B3GALT1: variants seen among roughly 807,000 people sequenced by gnomAD.
B3GALT1 encodes the protein UDP-Gal:betaGlcNAc beta 1,3-galactosyltransferase, polypeptide 1.
A neutral mutation model predicts 23.2 loss-of-function variants in B3GALT1; 10 were observed. The ratio of observed to expected loss-of-function variants is 0.43; its 90% CI spans 0.27 to 0.73. The LOEUF (loss-of-function observed/expected upper bound fraction) is 0.73, where lower values mean the gene tolerates loss of function less well. Ranked by LOEUF, B3GALT1 falls within the 30% of genes least tolerant of loss-of-function variation. B3GALT1 has a pLI of 0.21. For synonymous variants in B3GALT1, 156 were observed against 141.5 expected, an observed-to-expected ratio of 1.10 and a Z score of -0.73; for missense variants, 299 against 405.4, an observed-to-expected ratio of 0.74 and a Z score of 2.25.
intron 2 of B3GALT1, among the ~76,000 whole-genome samples, chr2:167,557,804 A>G (rs1168319808): frequency 6.6e-6 from 1 of 152,232 alleles, no homozygotes; most frequent in East Asian, 1.9e-4. Context: ...CTGGAGACCA[A>G]GAAGGGTACT....
At chr2:167,546,278 T>C (rs1683634005) in intron 2 of B3GALT1, among the ~76,000 whole-genome samples, 1 of 152,204 alleles carries the variant, frequency 6.6e-6, no homozygotes, top group African/African-American at 2.4e-5. Context: ...ACTCAGAGAA[T>C]ATTGTCAACT....
At chr2:167,498,973 C>T (rs1415363282) in intron 2 of B3GALT1, among the ~76,000 whole-genome samples, 2 of 152,076 alleles carry the variant, frequency 1.3e-5, no homozygotes, top group Non-Finnish European at 2.9e-5. Flanking sequence ...ATTACAAAAA[C>T]AGCCTGCTTG....
intron 3 of B3GALT1, among the ~76,000 whole-genome samples, chr2:167,733,418 GA>G (rs759875435): frequency 4.8e-5 from 7 of 146,548 alleles, no homozygotes; most frequent in Non-Finnish European, 7.5e-5. Context: ...GTTTTATTGA[GA>G]TTTTTTTTTT....
At chr2:167,460,603 T>C (rs1040720088) in intron 1 of B3GALT1, among the ~76,000 whole-genome samples, 4 of 151,824 alleles carry the variant, frequency 2.6e-5, no homozygotes, top group African/African-American at 9.7e-5. Flanking sequence ...TCAGATCTTT[T>C]TCAGGGACAG....
intron 1 of B3GALT1, among the ~76,000 whole-genome samples, chr2:167,316,876 A>G (rs753556508): frequency 6.6e-6 from 1 of 152,142 alleles, no homozygotes; most frequent in Non-Finnish European, 1.5e-5. Context: ...AGAGAGTTCA[A>G]TCTAAGATAC....
chr2:167,820,860 C>G (rs988541923), intron 4 of B3GALT1, among the ~76,000 whole-genome samples: 1 of 152,196 alleles, frequency 6.6e-6, no homozygotes, highest in African/African-American at 2.4e-5. Context: ...TACAGGCTGC[C>G]TGCCTCAGGC....
chr2:167,792,860 A>T (rs1440521546), intron 3 of B3GALT1, among the ~76,000 whole-genome samples: 1 of 144,350 alleles, frequency 6.9e-6, no homozygotes, highest in African/African-American at 2.6e-5. Flanking sequence ...GGGGAACAGA[A>T]TTTTTTTTTT....
chr2:167,567,648 T>TCC lies in B3GALT1; in HGVS notation c.-410+77375_-410+77376dup, dbSNP rs1227611411. On this transcript the variant is annotated intron_variant, in intron 2 of 4. Transcript: ENST00000392690. ...TACAGAGATTTGCCATGTACTTCCA[T>TCC]CCCCCATACATGCCAGCCTTCCCCG... 2.0e-5 allele frequency among the ~76,000 whole-genome samples: 3 copies of TCC among 151,998 alleles called. No individual in the cohort carries two copies. In the East Asian group the frequency reaches 5.8e-4, roughly 29 times the overall value.
intron 2 of B3GALT1, among the ~76,000 whole-genome samples, chr2:167,587,776 C>T (rs551442805): frequency 2.0e-5 from 3 of 152,168 alleles, no homozygotes; most frequent in Non-Finnish European, 4.4e-5. Context: ...TGTTGAACTG[C>T]TTACCACTAA....
chr2:167,403,190 A>G (rs575825188), intron 1 of B3GALT1, among the ~76,000 whole-genome samples: 185 of 102,200 alleles, frequency 1.8e-3, no homozygotes, highest in Non-Finnish European at 2.9e-3. Context: ...ACCCCACTAC[A>G]GGCCCCGGTG....
chr2:167,364,333 T>TAG (rs1418873460), intron 1 of B3GALT1, among the ~76,000 whole-genome samples: 1 of 48,586 alleles, frequency 2.1e-5, no homozygotes, highest in East Asian at 1.2e-3. Flanking sequence ...TTCATATATA[T>TAG]ATATAGTTTT....
chr2:167,808,726 TC>T (rs1688814482), intron 3 of B3GALT1, among the ~76,000 whole-genome samples: 1 of 152,062 alleles, frequency 6.6e-6, no homozygotes, highest in African/African-American at 2.4e-5. Context: ...ATTTTTTCCT[TC>T]ATTTCAACTT....
intron 3 of B3GALT1, among the ~76,000 whole-genome samples, chr2:167,664,425 G>A (rs1275686005): frequency 1.3e-5 from 2 of 151,852 alleles, no homozygotes; most frequent in Non-Finnish European, 2.9e-5. Context: ...TTTTGGCTTA[G>A]GATTGACTTG....
chr2:167,629,308 G>A (rs954553701), intron 2 of B3GALT1, among the ~76,000 whole-genome samples: 1 of 151,696 alleles, frequency 6.6e-6, no homozygotes, highest in East Asian at 1.9e-4. Context: ...GGATGAACTG[G>A]ACATATTTGG....
chr2:167,361,137 C>G (rs1221553290), intron 1 of B3GALT1, among the ~76,000 whole-genome samples: 1 of 150,916 alleles, frequency 6.6e-6, no homozygotes, highest in African/African-American at 2.4e-5. Flanking sequence ...GATTCCATAT[C>G]TTGGCTATTG....
intron 2 of B3GALT1, among the ~76,000 whole-genome samples, chr2:167,573,421 A>C (rs1008071217): frequency 6.6e-6 from 1 of 151,778 alleles, no homozygotes; most frequent in Non-Finnish European, 1.5e-5. Flanking sequence ...TTGCAGTTTC[A>C]TTCCAGTGGT....
chr2:167,546,640 T>G (rs1574129719), intron 2 of B3GALT1, among the ~76,000 whole-genome samples: 1 of 152,192 alleles, frequency 6.6e-6, no homozygotes, highest in East Asian at 1.9e-4. Flanking sequence ...GAACAGAGGA[T>G]CTGCTGCAGT....
intron 1 of B3GALT1, among the ~76,000 whole-genome samples, chr2:167,331,591 A>C (rs1696973413): frequency 6.6e-6 from 1 of 152,136 alleles, no homozygotes; most frequent in South Asian, 2.1e-4. Flanking sequence ...CTCAGACCCC[A>C]GGAGGCATGC....
intron 3 of B3GALT1, among the ~76,000 whole-genome samples, chr2:167,786,387 T>TA (rs1688346003): frequency 6.6e-6 from 1 of 152,228 alleles, no homozygotes; most frequent in Non-Finnish European, 1.5e-5. Flanking sequence ...CAGAGAGTGG[T>TA]GCTTTGGTAG....
Sources: allele counts gnomAD v4.1 joint callset (sites outside exome capture counted in the v4.1 genomes callset), GRCh38; gene constraint gnomAD v4.1.1; transcripts MANE v1.5; gene names NCBI Gene and HGNC (gene_info 2026-07-23, HGNC 2026-07-21).